The following TNKS1BP1 variants were observed in gnomAD, a reference collection of about 807,000 sequenced individuals.
TNKS1BP1 encodes the protein 182 kDa tankyrase-1-binding protein.
A neutral mutation model predicts 141.1 loss-of-function variants in TNKS1BP1; 48 were observed. The observed-to-expected ratio is 0.34, with a 90% CI of 0.27 to 0.43. The LOEUF is 0.43. Among genes scored for constraint, TNKS1BP1 ranks in the 20% least tolerant of loss-of-function variants. The pLI is 1.00. For missense variants in TNKS1BP1, 2,149 were observed against 2,226.0 expected, an observed-to-expected ratio of 0.97 and a Z score of 0.70; for synonymous variants, 875 against 898.2, an observed-to-expected ratio of 0.97 and a Z score of 0.46.
intron 1 of TNKS1BP1, 119 bp from the exon 2 acceptor site, chr11:57,322,069 AGTG>A (rs1565047777): frequency 3.1e-5 from 5 of 160,754 alleles, no homozygotes; most frequent in South Asian, 7.1e-5. Flanking sequence ...GAGAACTTGG[AGTG>A]GGGGGGGGGG....
At chr11:57,319,144 CAAAAAAAAA>C (rs558416849) in intron 3 of TNKS1BP1, among the ~76,000 whole-genome samples, 1 of 64,288 alleles carries the variant, frequency 1.6e-5, no homozygotes, top group Non-Finnish European at 3.0e-5. Flanking sequence ...GACTCCGTCT[CAAAAAAAAA>C]AAAAAAAAAA....
chr11:57,301,725 T>C, intron 9 of TNKS1BP1, 82 bp downstream of exon 9: 1 of 1,534,032 alleles, frequency 6.5e-7, no homozygotes. Flanking sequence ...AATGAATTGA[T>C]GGATGAAGAG....
In TNKS1BP1 at chr11:57,313,653, G is replaced by A. The variant is rs768311616; in HGVS notation, c.1035C>T (p.Asp345=). The change falls in exon 5 of 12, where the codon GAC becomes GAT. Residue 345 remains aspartate, a synonymous_variant. Transcript: ENST00000358252. The part of the protein sequence containing the change: ...TPSAPSAALP[D]EGSRHTPSPG... ...GGCTGGGGGTGTGGCGGGAGCCCTC[G>A]TCAGGCAGGGCTGCACTTGGAGCTG... 119 of 1,558,512 alleles carry A rather than the reference G, an allele frequency of 7.6e-5. No individual in the cohort carries two copies. The highest frequency in any genetic ancestry group is 2.6e-4 in the South Asian group (22 of 84,552).
intron 6 of TNKS1BP1, among the ~76,000 whole-genome samples, chr11:57,308,143 AT>A (rs759489379): frequency 6.6e-6 from 1 of 152,326 alleles, no homozygotes; most frequent in East Asian, 1.9e-4. Context: ...ACAATTCCAA[AT>A]CACCAAGCTC....
rs1855872686 is a variant in TNKS1BP1, at chr11:57,320,691, G to A, written c.116C>T (p.Pro39Leu). 3.1e-6 allele frequency: 5 copies of A among 1,601,658 alleles called. No individual in the cohort carries two copies. Among genetic ancestry groups the A allele is most frequent in the Non-Finnish European group, 4.3e-6 (5 of 1,174,156 alleles). ...SEPGDTRAKPPVKPKPRALPA... is the reference protein window; with the variant it reads ...SEPGDTRAKPLVKPKPRALPA... ...CAGGGCCCGGGGTTTGGGCTTGACA[G>A]GGGGTTTGGCCCGAGTGTCACCTAC... The change falls in exon 3 of 12, where the codon CCT (proline) becomes CTT (leucine). Residue 39 changes from proline to leucine, a missense_variant. Coordinates refer to ENST00000358252, the MANE Select transcript of TNKS1BP1 (RefSeq NM_033396.3).
At chr11:57,314,039 AG>A (rs1855761072) in intron 4 of TNKS1BP1, 150 bp from the exon 5 acceptor site, 1 of 922,096 alleles carries the variant, frequency 1.1e-6, no homozygotes, top group Non-Finnish European at 1.5e-6. Flanking sequence ...GATAGCTGGG[AG>A]GGGCCCCACA....
Position 57,302,026 on chromosome 11 carries a change from A to G in TNKS1BP1, c.4834+48T>C. ...CATAACCCCTGCAAAAGCTTGGCCTAATGCCCTAGAGATCAAGAGACATCA... is the reference window on the plus strand; with the variant it reads ...CATAACCCCTGCAAAAGCTTGGCCTGATGCCCTAGAGATCAAGAGACATCA... On this transcript the variant is annotated intron_variant, in intron 8 of 11. Transcript: ENST00000358252. This position sits in a 1 kb window ranked among gnomAD's most constrained non-coding sequence, Gnocchi z 5.5. 6.2e-7 allele frequency: 1 copy of G among 1,604,502 alleles called. No homozygotes were observed. Among genetic ancestry groups the G allele is most frequent in the Middle Eastern group, 1.7e-4 (1 of 6,038 alleles).
chr11:57,316,167 T>G (rs1310128151), intron 4 of TNKS1BP1, among the ~76,000 whole-genome samples: 1 of 152,136 alleles, frequency 6.6e-6, no homozygotes, highest in Non-Finnish European at 1.5e-5. Flanking sequence ...TGAATCCAAT[T>G]CTCTGTGCTC....
chr11:57,300,537 T>TTC lies in TNKS1BP1; in HGVS notation c.*1_*2dup. 1 of 1,614,236 alleles carries TTC rather than the reference T, an allele frequency of 6.2e-7. No individual in the cohort carries two copies. Among genetic ancestry groups the TTC allele is most frequent in the East Asian group, 2.2e-5 (1 of 44,882 alleles). ...AGGAACCTGTCCTCACCTCAGTGAC[T>TTC]TCTCAGACCTTCTTCTTCTTCAGTT... On this transcript the variant is annotated 3_prime_UTR_variant, in exon 11 of 12. Coordinates refer to ENST00000358252, the MANE Select transcript of TNKS1BP1 (RefSeq NM_033396.3).
intron 3 of TNKS1BP1, among the ~76,000 whole-genome samples, chr11:57,318,755 C>T (rs1322541623): frequency 1.3e-5 from 2 of 152,258 alleles, no homozygotes; most frequent in Non-Finnish European, 2.9e-5. Context: ...GCCAGCCTTG[C>T]TTTACACTAG....
chr11:57,317,780 A>T, intron 4 of TNKS1BP1, 38 bp downstream of exon 4: 2 of 1,599,948 alleles, frequency 1.3e-6, no homozygotes, highest in Non-Finnish European at 1.7e-6. Flanking sequence ...CCAGCTCTAA[A>T]ATACGTGATT....
In TNKS1BP1 at chr11:57,313,027, T is replaced by A. The variant is rs776974650; in HGVS notation, c.1661A>T (p.Gln554Leu). 1 of 1,613,974 alleles carries A rather than the reference T, an allele frequency of 6.2e-7. No individual in the cohort carries two copies. Among genetic ancestry groups the A allele is most frequent in the South Asian group, 1.1e-5 (1 of 91,080 alleles). The change falls in exon 5 of 12, where the codon CAG becomes CTG. Residue 554 changes from glutamine to leucine, a missense_variant. Gln to Leu is a moderately radical substitution (Grantham distance 113, BLOSUM62 -2). Coordinates refer to ENST00000358252, the MANE Select transcript of TNKS1BP1 (RefSeq NM_033396.3). ...QGDDPSMSLT[Q>L]KGDGESQPQF... is the part of the protein sequence containing the mutation. ...AGGTTGACTCTCCCCATCGCCCTTC[T>A]GGGTGAGGGACATGCTTGGATCATC...
In TNKS1BP1 at chr11:57,300,544, A is replaced by G. The variant is rs199519272; in HGVS notation, c.5186T>C (p.Val1729Ala). The change falls in exon 11 of 12, where the codon GTC (valine) becomes GCC (alanine). Residue 1729 changes from valine (V) to alanine (A), a missense_variant. Coordinates refer to ENST00000358252, the MANE Select transcript of TNKS1BP1 (RefSeq NM_033396.3). ...TGTCCTCACCTCAGTGACTTCTCAG[A>G]CCTTCTTCTTCTTCAGTTTCAGGGC... Reference protein sequence around the residue: ...LQALKLKKKKV With the variant: ...LQALKLKKKKA 1.2e-6 allele frequency: 2 copies of G among 1,614,142 alleles called. No individual in the cohort carries two copies. Among genetic ancestry groups the G allele is most frequent in the African/African-American group, 2.7e-5 (2 of 75,026 alleles).
intron 4 of TNKS1BP1, 22 bp from the exon 5 acceptor site, chr11:57,313,911 A>G (rs1351244800): frequency 1.3e-6 from 2 of 1,481,578 alleles, no homozygotes; most frequent in African/African-American, 1.4e-5. Context: ...AGAAAGGTCA[A>G]GATCCGTCAC....
chr11:57,308,914 C>G lies in TNKS1BP1; in HGVS notation c.3797G>C (p.Gly1266Ala). Residue 1266 changes from glycine (G) to alanine (A), a missense_variant, in exon 6 of 12, where the codon GGA becomes GCA. Coordinates refer to ENST00000358252, the MANE Select transcript of TNKS1BP1 (RefSeq NM_033396.3). ...ACGCTCCCTTGATTTAAGGAACTCT[C>G]CGGCCTCCACACCTGACCAGTCAGT... ...GQTDWSGVEA[G>A]EFLKSRERGV... 1.2e-6 allele frequency: 2 copies of G among 1,613,984 alleles called. No individual in the cohort carries two copies. Among genetic ancestry groups the G allele is most frequent in the Non-Finnish European group, 1.7e-6 (2 of 1,180,022 alleles).
Position 57,324,948 on chromosome 11 carries a change from A to G in TNKS1BP1, c.-174T>C. 1.0e-6 allele frequency: 1 copy of G among 990,006 alleles called. No homozygotes were observed. Among genetic ancestry groups the G allele is most frequent in the Non-Finnish European group, 1.2e-6 (1 of 833,916 alleles). 61.3% of individuals were successfully genotyped at this position (990,006 alleles called of 1,614,324 possible). ...GCCGCCGTCACCGCGGGACGAAGCCACTGCGAGCCCCGGCGGGGCCCCGCC... is the reference window on the plus strand; with the variant it reads ...GCCGCCGTCACCGCGGGACGAAGCCGCTGCGAGCCCCGGCGGGGCCCCGCC... On this transcript the variant is annotated 5_prime_UTR_variant, in exon 1 of 12. Coordinates refer to ENST00000358252, the MANE Select transcript of TNKS1BP1 (RefSeq NM_033396.3).
chr11:57,307,981 A>T (rs1590580897), intron 6 of TNKS1BP1, among the ~76,000 whole-genome samples: 1 of 152,178 alleles, frequency 6.6e-6, no homozygotes, highest in African/African-American at 2.4e-5. Flanking sequence ...TGGTGGCCCC[A>T]GCCAAGAAGA....
In TNKS1BP1 at chr11:57,313,271, AT is replaced by A; in HGVS notation, c.1416del (p.Leu472PhefsTer180). The A allele has an allele frequency of 6.2e-7, 1 of 1,612,968 alleles. No homozygotes were observed. On this transcript the variant is annotated frameshift_variant, in exon 5 of 12. Transcript: ENST00000358252. LOFTEE classifies it high-confidence loss of function. Reference sequence around the variant, plus strand: ...GGGAAGGTCCATTCGAAGGACTGTGATAAGCTCCAGTTGGACTCTGCCCCAA... The same window carrying A: ...GGGAAGGTCCATTCGAAGGACTGTGAAAGCTCCAGTTGGACTCTGCCCCAA... ...RPFGAESNWS[L>X]SQSFEWTFPT...
chr11:57,300,776 G>A, intron 10 of TNKS1BP1, 108 bp downstream of exon 10: 1 of 1,524,880 alleles, frequency 6.6e-7, no homozygotes, highest in Non-Finnish European at 8.9e-7. Flanking sequence ...ATGTCCGACT[G>A]AGGTTCCTCT....
Sources: gnomAD v4.1 joint callset for allele counts (sites outside exome capture counted in the v4.1 genomes callset) on GRCh38, gnomAD v4.1.1 for gene constraint, Gnocchi (gnomAD v3.1) non-coding constraint, MANE v1.5 for transcripts, NCBI Gene and HGNC (gene_info 2026-07-23, HGNC 2026-07-21) for gene names.